The following PRKCA variants were observed in gnomAD, a reference collection of about 807,000 sequenced individuals.
PRKCA encodes protein kinase C alpha type.
PRKCA carries 27 observed loss-of-function variants against 87.0 expected under a neutral mutation model. That is an observed-to-expected ratio of 0.31 (90% CI 0.23 to 0.43). The LOEUF (loss-of-function observed/expected upper bound fraction) is 0.43, where lower values mean the gene tolerates loss of function less well. PRKCA is among the 20% of genes least tolerant of loss of function. The pLI is 1.00. For missense variants in PRKCA, 518 were observed against 852.3 expected (o/e 0.61, Z 4.88); for synonymous variants, 329 against 311.1 (o/e 1.06, Z -0.61).
intron 8 of PRKCA, among the ~76,000 whole-genome samples, chr17:66,692,225 A>G (rs7211505): frequency 0.61 from 92,296 of 152,006 alleles, 28,100 homozygotes; most frequent in African/African-American, 0.66. Flanking sequence ...CTGCATTCTA[A>G]CCTTTGCTTT....
At chr17:66,753,686 A>T (rs1040630324) in intron 13 of PRKCA, among the ~76,000 whole-genome samples, 2 of 152,164 alleles carry the variant, frequency 1.3e-5, no homozygotes, top group African/African-American at 4.8e-5. Flanking sequence ...GAAGAAGGTA[A>T]TTAGGGGAGA....
At chr17:66,544,035 A>G (rs912473208) in intron 3 of PRKCA, among the ~76,000 whole-genome samples, 11 of 152,136 alleles carry the variant, frequency 7.2e-5, no homozygotes, top group African/African-American at 2.4e-4. Context: ...GACTTGGTGA[A>G]ACCCTGACTG....
intron 2 of PRKCA, among the ~76,000 whole-genome samples, chr17:66,337,646 A>T (rs569430069): frequency 6.6e-6 from 1 of 152,280 alleles, no homozygotes; most frequent in East Asian, 1.9e-4. Context: ...TTGGCTTCCC[A>T]AAATTCTGGG....
intron 3 of PRKCA, among the ~76,000 whole-genome samples, chr17:66,535,790 C>A (rs1281829272): frequency 6.6e-6 from 1 of 152,198 alleles, no homozygotes; most frequent in Non-Finnish European, 1.5e-5. Flanking sequence ...ACAAACTCTT[C>A]TAGTCCATTC....
intron 3 of PRKCA, among the ~76,000 whole-genome samples, chr17:66,570,847 T>A (rs1330112661): frequency 6.6e-6 from 1 of 152,164 alleles, no homozygotes; most frequent in Non-Finnish European, 1.5e-5. Flanking sequence ...CCAAGAGCCC[T>A]GGGTTCTAGT....
chr17:66,455,115 G>T (rs1914522942), intron 2 of PRKCA, among the ~76,000 whole-genome samples: 1 of 152,196 alleles, frequency 6.6e-6, no homozygotes, highest in Non-Finnish European at 1.5e-5. Context: ...ATATCTTTAA[G>T]TCCACATAAG....
At chr17:66,343,015 A>G (rs897905998) in intron 2 of PRKCA, among the ~76,000 whole-genome samples, 5 of 152,166 alleles carry the variant, frequency 3.3e-5, no homozygotes, top group South Asian at 4.1e-4. Flanking sequence ...TGCATTGCAT[A>G]AATTCTCTAT....
At chr17:66,417,204 CTTT>C (rs537292524) in intron 2 of PRKCA, among the ~76,000 whole-genome samples, 1 of 144,556 alleles carries the variant, frequency 6.9e-6, no homozygotes. Context: ...CCAGCCTGGC[CTTT>C]TTTTTTTTTA....
chr17:66,774,965 T>A, intron 14 of PRKCA: 1 of 985,402 alleles, frequency 1.0e-6, no homozygotes, highest in Non-Finnish European at 1.2e-6. Flanking sequence ...AACATGGCAC[T>A]TTCTAATATA....
At chr17:66,694,506 AAG>A (rs1972870374) in intron 8 of PRKCA, among the ~76,000 whole-genome samples, 1 of 146,872 alleles carries the variant, frequency 6.8e-6, no homozygotes, top group African/African-American at 2.5e-5. Context: ...AAAAAAAAAA[AAG>A]GATTTGATGT....
At chr17:66,566,123 C>T (rs1185121460) in intron 3 of PRKCA, among the ~76,000 whole-genome samples, 1 of 152,154 alleles carries the variant, frequency 6.6e-6, no homozygotes, top group Non-Finnish European at 1.5e-5. Flanking sequence ...CCTTGTCTTC[C>T]TGGACCCTCT....
At chr17:66,502,447 C>G (rs1249205893) in intron 3 of PRKCA, among the ~76,000 whole-genome samples, 1 of 152,052 alleles carries the variant, frequency 6.6e-6, no homozygotes, top group African/African-American at 2.4e-5. Context: ...GTTGGCCAGG[C>G]TGGTCTCGAA....
At chr17:66,541,975 C>G (rs1376427759) in intron 3 of PRKCA, among the ~76,000 whole-genome samples, 1 of 152,196 alleles carries the variant, frequency 6.6e-6, no homozygotes, top group Admixed American at 6.5e-5. Context: ...TGATAACAAG[C>G]CACCACGTGG....
chr17:66,563,403 A>G (rs1968777030), intron 3 of PRKCA, among the ~76,000 whole-genome samples: 1 of 152,114 alleles, frequency 6.6e-6, no homozygotes, highest in African/African-American at 2.4e-5. Context: ...CTGGAATGTC[A>G]TATAGTTGAA....
intron 2 of PRKCA, among the ~76,000 whole-genome samples, chr17:66,356,764 A>G (rs570394672): frequency 2.0e-5 from 3 of 152,178 alleles, no homozygotes; most frequent in Admixed American, 2.0e-4. Flanking sequence ...ATATTTTTTT[A>G]AAAAATAGGG....
chr17:66,775,830 C>T (rs779832679), intron 14 of PRKCA: 93 of 921,264 alleles, frequency 1.0e-4, no homozygotes, highest in Non-Finnish European at 1.2e-4. Context: ...TCCTTAACTT[C>T]GTGAAGCTTA....
chr17:66,512,579 T>C (rs1335066609), intron 3 of PRKCA, among the ~76,000 whole-genome samples: 3 of 152,106 alleles, frequency 2.0e-5, no homozygotes, highest in Non-Finnish European at 2.9e-5. Context: ...CCCAAGCTCA[T>C]TGGCACCCCA....
chr17:66,725,246 C>G (rs1973716082), intron 8 of PRKCA, among the ~76,000 whole-genome samples: 1 of 152,150 alleles, frequency 6.6e-6, no homozygotes, highest in Non-Finnish European at 1.5e-5. Flanking sequence ...GAGTTCTGGG[C>G]TGCTTGTCTG....
intron 3 of PRKCA, among the ~76,000 whole-genome samples, chr17:66,514,762 A>G (rs1966911793): frequency 6.6e-6 from 1 of 152,120 alleles, no homozygotes. Flanking sequence ...ATGCTTGTTA[A>G]GGCCGTTCCC....
Sources: allele counts gnomAD v4.1 joint callset (sites outside exome capture counted in the v4.1 genomes callset), GRCh38; gene constraint gnomAD v4.1.1; transcripts MANE v1.5; gene names NCBI Gene and HGNC (gene_info 2026-07-23, HGNC 2026-07-21).